The following DGKH variants were observed in gnomAD, a reference collection of about 807,000 sequenced individuals.
DGKH encodes diacylglycerol kinase eta.
In DGKH, 90 loss-of-function variants were observed where a neutral mutation model predicts 159.3. That is an observed-to-expected ratio of 0.57 (90% CI 0.48 to 0.67). The LOEUF is 0.67. Among genes scored for constraint, DGKH ranks in the 30% least tolerant of loss-of-function variants. The pLI, the probability that DGKH is intolerant of heterozygous loss-of-function variation, is 0.00. For missense variants in DGKH, 1,181 were observed against 1,506.1 expected (o/e 0.78, Z 3.57); for synonymous variants, 536 against 553.8 (o/e 0.97, Z 0.45).
At chr13:42,141,870 C>T (rs1955571364) in intron 3 of DGKH, among the ~76,000 whole-genome samples, 1 of 151,736 alleles carries the variant, frequency 6.6e-6, no homozygotes, top group Non-Finnish European at 1.5e-5. Context: ...ATGGTAGTTT[C>T]TTTTGCTGTG....
intron 3 of DGKH, among the ~76,000 whole-genome samples, chr13:42,145,585 C>T (rs1955704608): frequency 6.6e-6 from 1 of 152,084 alleles, no homozygotes. Context: ...AGAGAGCTGA[C>T]ATCTTAGAAG....
chr13:42,067,100 C>G (rs1882634076), intron 1 of DGKH, among the ~76,000 whole-genome samples: 1 of 151,938 alleles, frequency 6.6e-6, no homozygotes, highest in Admixed American at 6.6e-5. Context: ...GATGTTGTGA[C>G]CAGAGGTTTG....
Position 42,084,919 on chromosome 13 carries a change from T to C in DGKH, c.192+35954T>C, listed in dbSNP as rs572934020. ...TGAAAAGTTTCATAATGATTGTTCT[T>C]AGTAAAAAAAAAAAAATTAATCCTA... On this transcript the variant is annotated intron_variant, in intron 1 of 29. Transcript: ENST00000337343. Among the ~76,000 whole-genome samples, 607 of 139,944 alleles carry C rather than the reference T, an allele frequency of 4.3e-3. 16 individuals are homozygous for C. Among genetic ancestry groups the C allele is most frequent in the Non-Finnish European group, 1.4e-3 (86 of 61,834 alleles). The allele number at this position is 139,944 out of a possible 152,430, so 91.8% of individuals were successfully genotyped here.
intron 1 of DGKH, among the ~76,000 whole-genome samples, chr13:42,093,503 CT>C (rs1180626566): frequency 6.6e-6 from 1 of 152,152 alleles, no homozygotes; most frequent in Admixed American, 6.6e-5. Flanking sequence ...GATTTCACTT[CT>C]GGTAATATAC....
chr13:42,049,050 C>CCCGGGAAGG (rs1881023484), intron 1 of DGKH, 85 bp downstream of exon 1: 1 of 1,004,488 alleles, frequency 1.0e-6, no homozygotes, highest in African/African-American at 2.1e-5. Flanking sequence ...GCCGGGCGAT[C>CCCGGGAAGG]CCGGGAAGGC....
At chr13:42,186,929 A>G in intron 13 of DGKH, 120 bp from the exon 14 acceptor site, 1 of 804,048 alleles carries the variant, frequency 1.2e-6, no homozygotes. Flanking sequence ...ATAGATTTAT[A>G]TACAGATGAC....
chr13:42,078,020 A>G (rs1217281828), intron 1 of DGKH, among the ~76,000 whole-genome samples: 1 of 152,232 alleles, frequency 6.6e-6, no homozygotes, highest in African/African-American at 2.4e-5. Context: ...ACCATCCAGA[A>G]TTAAATAGCA....
exon 31 of DGKH, chr13:42,256,553 G>A: frequency 4.2e-6 from 3 of 711,726 alleles, no homozygotes; most frequent in South Asian, 1.5e-5. Context: ...AATTTATAAT[G>A]AAAATAAACG....
chr13:42,095,221 G>A (rs1954501836), intron 1 of DGKH, among the ~76,000 whole-genome samples: 1 of 139,204 alleles, frequency 7.2e-6, no homozygotes, highest in Non-Finnish European at 1.5e-5. Flanking sequence ...GGAGTGCAGT[G>A]GTGCGATCTT....
chr13:42,112,408 A>G (rs1418039041), intron 1 of DGKH, among the ~76,000 whole-genome samples: 1 of 150,798 alleles, frequency 6.6e-6, no homozygotes, highest in African/African-American at 2.4e-5. Flanking sequence ...TGGCCTCCTG[A>G]GTAGGTGGGA....
At chr13:42,190,276 T>G (rs1957028939) in intron 15 of DGKH, 127 bp from the exon 16 acceptor site, 2 of 1,121,716 alleles carry the variant, frequency 1.8e-6, no homozygotes, top group Admixed American at 2.9e-5. Flanking sequence ...CATTGCTAAA[T>G]AGTGTTTATT....
intron 1 of DGKH, among the ~76,000 whole-genome samples, chr13:42,093,431 T>C (rs920637152): frequency 6.6e-6 from 1 of 152,132 alleles, no homozygotes; most frequent in Non-Finnish European, 1.5e-5. Flanking sequence ...TGTGTAGCCA[T>C]GGTGGAAAAC....
intron 1 of DGKH, chr13:42,066,663 C>A (rs997285243): frequency 1.3e-5 from 2 of 152,078 alleles, no homozygotes; most frequent in African/African-American, 4.8e-5. Flanking sequence ...TAAGGTTGAA[C>A]CTGGCTGTGC....
At chr13:42,090,400 C>G (rs542972288) in intron 1 of DGKH, among the ~76,000 whole-genome samples, 1 of 151,968 alleles carries the variant, frequency 6.6e-6, no homozygotes, top group Non-Finnish European at 1.5e-5. Flanking sequence ...TAGAAAAATA[C>G]GTTCTAAATT....
At chr13:42,184,191 C>A (rs1428718709) in intron 13 of DGKH, among the ~76,000 whole-genome samples, 2 of 152,140 alleles carry the variant, frequency 1.3e-5, no homozygotes, top group Admixed American at 1.3e-4. Context: ...ACTTCTAAAT[C>A]ATCTTCAGTT....
intron 1 of DGKH, among the ~76,000 whole-genome samples, chr13:42,040,792 G>T (rs1372154110): frequency 1.4e-5 from 2 of 147,616 alleles, no homozygotes; most frequent in Non-Finnish European, 3.0e-5. Context: ...GGACCGCGGC[G>T]AGGGAAGCGC....
intron 26 of DGKH, among the ~76,000 whole-genome samples, chr13:42,217,100 A>G (rs747843764): frequency 7.2e-5 from 11 of 152,250 alleles, no homozygotes; most frequent in Non-Finnish European, 1.6e-4. Flanking sequence ...GACAATAGTG[A>G]TATTACAATA....
rs200279372 is a variant in DGKH at position 42,239,158 on chromosome 13, T to C, written c.*9970T>C. 1.1e-4 allele frequency: 17 copies of C among 152,290 alleles called. No homozygotes were observed. In the East Asian group the frequency reaches 3.3e-3, roughly 29 times the overall value. 9.4% of individuals were successfully genotyped at this position (152,290 alleles called of 1,614,324 possible). A position where few individuals can be genotyped will look rare whatever the true frequency, so the allele number is the denominator to read the frequency against. On this transcript the variant is annotated 3_prime_UTR_variant, in exon 30 of 30. Transcript: ENST00000337343. ...TAATGACCTGATATACAGGTGACCT[T>C]AGTATAATTGAAATTAATTATAATT...
At chr13:42,049,960 T>C (rs1420092703) in intron 1 of DGKH, among the ~76,000 whole-genome samples, 2 of 152,248 alleles carry the variant, frequency 1.3e-5, no homozygotes, top group African/African-American at 4.8e-5. Context: ...CACAAAATCA[T>C]TGGCTTGGGG....
Sources: allele counts gnomAD v4.1 joint callset (sites outside exome capture counted in the v4.1 genomes callset), GRCh38; gene constraint gnomAD v4.1.1; transcripts MANE v1.5; gene names NCBI Gene and HGNC (gene_info 2026-07-23, HGNC 2026-07-21).